Variants in ADGRL2 observed in about 807,000 individuals in gnomAD.
ADGRL2 encodes the protein calcium-independent alpha-latrotoxin receptor 2.
ADGRL2 carries 44 observed loss-of-function variants against 157.4 expected under a neutral mutation model. The observed-to-expected ratio is 0.28, with a 90% CI of 0.22 to 0.36. The LOEUF (loss-of-function observed/expected upper bound fraction) is 0.36. Among genes scored for constraint, ADGRL2 ranks in the 10% least tolerant of loss-of-function variants. The pLI is 1.00. For synonymous variants in ADGRL2, 585 were observed against 624.7 expected (o/e 0.94, Z 0.95); for missense variants, 1,510 against 1,768.9 (o/e 0.85, Z 2.63).
intron 3 of ADGRL2, among the ~76,000 whole-genome samples, chr1:81,910,244 C>CAATAATAATAATAATAAT (rs10631240): frequency 0.022 from 3,184 of 143,004 alleles, 89 homozygotes; most frequent in East Asian, 0.13. Flanking sequence ...GCCTAAAAAA[C>CAATAATAATAATAATAAT]AATAATAATA....
Position 81,768,003 on chromosome 1 carries a change from A to G in ADGRL2, c.-101+6151A>G, listed in dbSNP as rs953654460. On this transcript the variant is annotated intron_variant, in intron 2 of 20. Coordinates refer to the ADGRL2 transcript ENST00000359929. ...TAAAGATAAATATTATGATTTCTCT[A>G]TATCCTAGCTAGCACTTAATATTGT... Among the ~76,000 whole-genome samples the G allele has an allele frequency of 5.3e-5, 8 of 152,130 alleles. No homozygotes were observed. In the East Asian group the frequency reaches 7.7e-4, roughly 15 times the overall value.
intron 1 of ADGRL2, among the ~76,000 whole-genome samples, chr1:81,311,776 A>T (rs1233687204): frequency 6.6e-6 from 1 of 152,216 alleles, no homozygotes; most frequent in East Asian, 1.9e-4. Flanking sequence ...ATTCCAATGG[A>T]TAAAAAATAT....
intron 2 of ADGRL2, among the ~76,000 whole-genome samples, chr1:81,558,218 G>A (rs1336189950): frequency 6.6e-6 from 1 of 152,132 alleles, no homozygotes; most frequent in African/African-American, 2.4e-5. Flanking sequence ...TCCTATTCTG[G>A]AAGCGTTTAC....
chr1:81,368,665 A>C (rs1343324891), intron 1 of ADGRL2, among the ~76,000 whole-genome samples: 1 of 152,208 alleles, frequency 6.6e-6, no homozygotes, highest in Admixed American at 6.5e-5. Context: ...AATGATTTCA[A>C]CATCTACCTT....
At chr1:81,435,319 A>T (rs1487693958) in intron 1 of ADGRL2, among the ~76,000 whole-genome samples, 2 of 152,204 alleles carry the variant, frequency 1.3e-5, no homozygotes, top group African/African-American at 4.8e-5. Flanking sequence ...ATCAAGAGAA[A>T]CTGTGACATC....
chr1:81,471,515 G>A (rs568401914), intron 2 of ADGRL2, among the ~76,000 whole-genome samples: 18 of 152,098 alleles, frequency 1.2e-4, no homozygotes, highest in South Asian at 8.3e-4. Context: ...ATTAAATAAC[G>A]TACTCCCTTT....
At chr1:81,741,966 C>A (rs1010778652) in intron 1 of ADGRL2, among the ~76,000 whole-genome samples, 1 of 151,850 alleles carries the variant, frequency 6.6e-6, no homozygotes, top group Non-Finnish European at 1.5e-5. Flanking sequence ...CATAAGCTAA[C>A]TGTGAATGTG....
chr1:81,374,578 G>GAAAAAAAAAAAAAAAAAAAAAA (rs71242588), intron 1 of ADGRL2, among the ~76,000 whole-genome samples: 1 of 130,258 alleles, frequency 7.7e-6, no homozygotes, highest in African/African-American at 3.0e-5. Context: ...TCTCAAAAAA[G>GAAAAAAAAAAAAAAAAAAAAAA]AAAAAAAAAA....
chr1:81,497,788 G>C (rs927206918), intron 2 of ADGRL2, among the ~76,000 whole-genome samples: 1 of 152,212 alleles, frequency 6.6e-6, no homozygotes, highest in Admixed American at 6.5e-5. Context: ...TTACATAGTT[G>C]TTAGCCATTA....
chr1:81,779,206 C>T (rs1003066480), intron 2 of ADGRL2, among the ~76,000 whole-genome samples: 6 of 151,842 alleles, frequency 4.0e-5, no homozygotes, highest in African/African-American at 9.7e-5. Flanking sequence ...AAAACAAAAA[C>T]GAAGACACTG....
intron 3 of ADGRL2, among the ~76,000 whole-genome samples, chr1:81,657,886 C>G (rs2082568569): frequency 6.6e-6 from 1 of 152,054 alleles, no homozygotes; most frequent in African/African-American, 2.4e-5. Flanking sequence ...TATTATTTTT[C>G]AATCATAGAA....
chr1:81,723,202 C>T lies in ADGRL2; in HGVS notation c.-143+23394C>T, dbSNP rs2084395123. 6.5e-6 allele frequency: 3 copies of T among 460,908 alleles called. No individual in the cohort carries two copies. The East Asian group carries it at 1.1e-4, about 16-fold the overall frequency. The allele number at this position is 460,908 out of a possible 1,614,324, so 28.6% of individuals were successfully genotyped here. On this transcript the variant is annotated intron_variant, in intron 1 of 20. Coordinates refer to the ADGRL2 transcript ENST00000359929. ...GAGCTGGGGTGCTTTGAAGATAATCCCTACCCTTCTCCCCCAAATGCAGCT... is the reference window on the plus strand; with the variant it reads ...GAGCTGGGGTGCTTTGAAGATAATCTCTACCCTTCTCCCCCAAATGCAGCT...
chr1:81,671,043 A>G (rs2082864866), intron 3 of ADGRL2, among the ~76,000 whole-genome samples: 1 of 152,186 alleles, frequency 6.6e-6, no homozygotes, highest in South Asian at 2.1e-4. Flanking sequence ...CATATCTGTC[A>G]ACATTTGCAA....
At chr1:81,393,552 C>T (rs1273421665) in intron 1 of ADGRL2, among the ~76,000 whole-genome samples, 1 of 152,092 alleles carries the variant, frequency 6.6e-6, no homozygotes, top group Non-Finnish European at 1.5e-5. Context: ...ACTTCCTCTC[C>T]CTTTTTAATT....
At chr1:81,679,658 T>A (rs1160882228) in intron 3 of ADGRL2, among the ~76,000 whole-genome samples, 1 of 152,220 alleles carries the variant, frequency 6.6e-6, no homozygotes, top group Non-Finnish European at 1.5e-5. Flanking sequence ...CTAGGTTTCT[T>A]GCTTTTCTTG....
chr1:81,617,118 A>G (rs2081673131), intron 3 of ADGRL2, among the ~76,000 whole-genome samples: 1 of 152,228 alleles, frequency 6.6e-6, no homozygotes, highest in Non-Finnish European at 1.5e-5. Context: ...CCTGAGGCCT[A>G]TTAGGAACCT....
At chr1:81,847,673 C>T (rs1371664615) in intron 2 of ADGRL2, among the ~76,000 whole-genome samples, 2 of 151,834 alleles carry the variant, frequency 1.3e-5, no homozygotes, top group African/African-American at 4.8e-5. Flanking sequence ...CCCTGAGTAA[C>T]AATGCAGCCT....
At chr1:81,374,578 G>GAAAAAGAAAAAAAA (rs1553158620) in intron 1 of ADGRL2, among the ~76,000 whole-genome samples, 1 of 130,256 alleles carries the variant, frequency 7.7e-6, no homozygotes, top group Non-Finnish European at 1.6e-5. Flanking sequence ...TCTCAAAAAA[G>GAAAAAGAAAAAAAA]AAAAAAAAAA....
At chr1:81,499,583 A>G (rs2078800063) in intron 2 of ADGRL2, among the ~76,000 whole-genome samples, 2 of 152,362 alleles carry the variant, frequency 1.3e-5, no homozygotes, top group Admixed American at 6.5e-5. Flanking sequence ...CCTAGAATCT[A>G]TGCCCTTGTG....
Sources: gnomAD v4.1 joint callset for allele counts (sites outside exome capture counted in the v4.1 genomes callset) on GRCh38, gnomAD v4.1.1 for gene constraint, MANE v1.5 for transcripts, NCBI Gene and HGNC (gene_info 2026-07-23, HGNC 2026-07-21) for gene names.